The following TMEM106B variants were observed in gnomAD, a reference collection of about 807,000 sequenced individuals.
TMEM106B encodes transmembrane protein 106B.
In TMEM106B, 15 loss-of-function variants were observed where a neutral mutation model predicts 31.1. That is an observed-to-expected ratio of 0.48 (90% confidence interval 0.32 to 0.74). The LOEUF (loss-of-function observed/expected upper bound fraction) is 0.74, where lower values mean the gene tolerates loss of function less well. Ranked by LOEUF, TMEM106B falls within the 30% of genes least tolerant of loss-of-function variation. TMEM106B has a pLI of 0.03. For missense variants in TMEM106B, 283 were observed against 327.3 expected (o/e 0.86, Z 1.04); for synonymous variants, 126 against 112.5 (o/e 1.12, Z -0.76).
intron 2 of TMEM106B, among the ~76,000 whole-genome samples, 176 bp from the exon 3 acceptor site, chr7:12,218,282 A>C (rs1286944925): frequency 6.6e-6 from 1 of 150,876 alleles, no homozygotes; most frequent in Non-Finnish European, 1.5e-5. Context: ...GTGTGAAAAA[A>C]CACGCTGTCT....
intron 1 of TMEM106B, among the ~76,000 whole-genome samples, chr7:12,212,785 G>C (rs538298223): frequency 3.3e-5 from 5 of 152,202 alleles, no homozygotes; most frequent in Admixed American, 2.6e-4. Context: ...GTTCTAGAAA[G>C]TAAAATTTTC....
At position 12,225,570 on chromosome 7, in the gene TMEM106B, T is replaced by C. The variant is rs556258585; in HGVS notation, c.441+1185T>C. Reference sequence around the variant, plus strand: ...TTTTAATAATCGCCATTCTAATTGGTGTGAGATGATATCTCATTGTGGTTT... The same window carrying C: ...TTTTAATAATCGCCATTCTAATTGGCGTGAGATGATATCTCATTGTGGTTT... On this transcript the variant is annotated intron_variant, in intron 4 of 7. Coordinates refer to ENST00000396668, the MANE Select transcript of TMEM106B (RefSeq NM_001134232.2). Among the ~76,000 whole-genome samples the C allele has an allele frequency of 3.9e-5, 6 of 152,260 alleles. No individual in the cohort carries two copies. In the South Asian group the frequency reaches 1.2e-3, roughly 32 times the overall value.
chr7:12,224,087 A>G, intron 3 of TMEM106B, 139 bp from the exon 4 acceptor site: 1 of 741,960 alleles, frequency 1.3e-6, no homozygotes, highest in Admixed American at 2.3e-5. Flanking sequence ...CAATACTTTC[A>G]GATGTGAAAA....
intron 4 of TMEM106B, among the ~76,000 whole-genome samples, chr7:12,225,476 G>C (rs960064210): frequency 2.0e-5 from 3 of 152,160 alleles, no homozygotes; most frequent in Non-Finnish European, 4.4e-5. Flanking sequence ...CTAGTTTACA[G>C]TCCCTCCAAC....
At chr7:12,218,548 G>C in intron 3 of TMEM106B, 27 bp downstream of exon 3, 1 of 1,564,236 alleles carries the variant, frequency 6.4e-7, no homozygotes. Flanking sequence ...ATATGGCAGT[G>C]TTTTATGTTT....
chr7:12,226,966 T>G (rs1429720795), intron 4 of TMEM106B, among the ~76,000 whole-genome samples: 2 of 152,090 alleles, frequency 1.3e-5, no homozygotes, highest in Admixed American at 6.6e-5. Context: ...CTCCAAAGAC[T>G]TTTTTCATGT....
intron 3 of TMEM106B, among the ~76,000 whole-genome samples, chr7:12,220,787 C>T (rs767625494): frequency 1.6e-4 from 25 of 151,992 alleles, no homozygotes; most frequent in Non-Finnish European, 3.1e-4. Flanking sequence ...ATGGTATTTG[C>T]GCAAATTATT....
At chr7:12,231,763 G>A in intron 7 of TMEM106B, 74 bp from the exon 8 acceptor site, 2 of 1,218,440 alleles carry the variant, frequency 1.6e-6, no homozygotes, top group Non-Finnish European at 1.2e-6. Context: ...ATTTTTATGT[G>A]TTAAAGTAGT....
chr7:12,234,029 TC>T lies in TMEM106B; in HGVS notation c.*2055del, dbSNP rs1339703669. ...AAAAAAGTTATTTTATCATATCCTT[TC>T]TATTATGTTCCCATCCTGTCCTCAT... is the stretch of plus-strand genomic sequence containing the variant. On this transcript the variant is annotated 3_prime_UTR_variant, in exon 8 of 8. Transcript: ENST00000396668. 6.6e-6 allele frequency: 1 copy of T among 151,804 alleles called. No individual in the cohort carries two copies. Among genetic ancestry groups the T allele is most frequent in the East Asian group, 1.9e-4 (1 of 5,192 alleles). 9.4% of individuals were successfully genotyped at this position (151,804 alleles called of 1,614,324 possible).
Position 12,240,416 on chromosome 7 carries a change from T to C in TMEM106B, c.*8441T>C, listed in dbSNP as rs1201110528. 6.6e-6 allele frequency: 1 copy of C among 152,208 alleles called. No homozygotes were observed. Among genetic ancestry groups the C allele is most frequent in the Non-Finnish European group, 1.5e-5 (1 of 68,048 alleles). 9.4% of individuals were successfully genotyped at this position (152,208 alleles called of 1,614,324 possible). The stretch of plus-strand genomic sequence containing the variant: ...GTCACAAAGTTTGAGCCAAGTTTTT[T>C]TGTTTTAAACTTGTTTTAAACTTTT... On this transcript the variant is annotated 3_prime_UTR_variant, in exon 8 of 8. Coordinates refer to ENST00000396668, the MANE Select transcript of TMEM106B (RefSeq NM_001134232.2).
intron 6 of TMEM106B, 54 bp downstream of exon 6, chr7:12,230,492 TA>T: frequency 1.7e-6 from 2 of 1,185,752 alleles, no homozygotes; most frequent in Non-Finnish European, 2.5e-6. Flanking sequence ...GTGTATAAAA[TA>T]AAGTATAAAG....
At position 12,214,974 on chromosome 7, in the gene TMEM106B, G is replaced by T. The variant is rs753958862; in HGVS notation, c.164G>T (p.Gly55Val). 6.2e-7 allele frequency: 1 copy of T among 1,614,062 alleles called. No homozygotes were observed. The highest frequency in any genetic ancestry group is 1.7e-5 in the Admixed American group (1 of 60,024). The change falls in exon 2 of 8, where the codon GGA becomes GTA. Residue 55 changes from glycine to valine, a missense_variant. This residue lies in a region of TMEM106B where 77 missense variants were observed against 89.4 expected (regional missense o/e 0.86). Coordinates refer to ENST00000396668, the MANE Select transcript of TMEM106B (RefSeq NM_001134232.2). ...VSQFPYVEFT[G>V]RDSVTCPTCQ... ...CAGTTTCCATATGTGGAATTTACAG[G>T]AAGAGATAGTGTCACCTGCCCTACT...
chr7:12,234,937 A>C lies in TMEM106B; in HGVS notation c.*2962A>C, dbSNP rs1285098400. ...CTGGCTGAAGATCACGTACTTACTAAGTAGTACAACTGGAGCAAGATCAAG... is the reference window on the plus strand; with the variant it reads ...CTGGCTGAAGATCACGTACTTACTACGTAGTACAACTGGAGCAAGATCAAG... On this transcript the variant is annotated 3_prime_UTR_variant, in exon 8 of 8. Transcript: ENST00000396668. The C allele has an allele frequency of 6.6e-6, 1 of 151,884 alleles. No individual in the cohort carries two copies. Among genetic ancestry groups the C allele is most frequent in the African/African-American group, 2.4e-5 (1 of 41,418 alleles). 9.4% of individuals were successfully genotyped at this position (151,884 alleles called of 1,614,324 possible).
At position 12,218,830 on chromosome 7, in the gene TMEM106B, C is replaced by A. The variant is rs575244684; in HGVS notation, c.281+309C>A. On this transcript the variant is annotated intron_variant, in intron 3 of 7. Transcript: ENST00000396668. ...TGGATAATAAGGTGTACTCCACAACCCCAGGATAAAAATTGGTATTTAAAC... is the reference window on the plus strand; with the variant it reads ...TGGATAATAAGGTGTACTCCACAACACCAGGATAAAAATTGGTATTTAAAC... 3.3e-5 allele frequency among the ~76,000 whole-genome samples: 5 copies of A among 152,064 alleles called. No homozygotes were observed. In the South Asian group the frequency reaches 1.0e-3, roughly 32 times the overall value.
rs141976992 is a variant in TMEM106B, at chr7:12,237,299, A to G, written c.*5324A>G. 7.9e-5 allele frequency: 12 copies of G among 152,284 alleles called. No homozygotes were observed. The highest frequency in any genetic ancestry group is 2.9e-4 in the African/African-American group (12 of 41,574). The allele number at this position is 152,284 out of a possible 1,614,324, so 9.4% of individuals were successfully genotyped here. ...TGCTTTTGAAATTTCCTTAACATAA[A>G]CAAATCAGTGTAGATATTCAAAATC... On this transcript the variant is annotated 3_prime_UTR_variant, in exon 8 of 8. Coordinates refer to ENST00000396668, the MANE Select transcript of TMEM106B (RefSeq NM_001134232.2).
chr7:12,233,304 A>G lies in TMEM106B; in HGVS notation c.*1329A>G, dbSNP rs192790606. 1.3e-4 allele frequency: 19 copies of G among 147,384 alleles called. No homozygotes were observed. In the East Asian group the frequency reaches 3.0e-3, roughly 23 times the overall value. The allele number at this position is 147,384 out of a possible 1,614,324, so 9.1% of individuals were successfully genotyped here. A position where few individuals can be genotyped will look rare whatever the true frequency, so the allele number is the denominator to read the frequency against. On this transcript the variant is annotated 3_prime_UTR_variant, in exon 8 of 8. Coordinates refer to ENST00000396668, the MANE Select transcript of TMEM106B (RefSeq NM_001134232.2). The stretch of plus-strand genomic sequence containing the variant: ...ATTTAAAATATGTACTAAGTGTAGG[A>G]GTGGTTATGATACCAAAAAATGTAG...
At chr7:12,215,326 G>T (rs894404843) in intron 2 of TMEM106B, among the ~76,000 whole-genome samples, 1 of 151,858 alleles carries the variant, frequency 6.6e-6, no homozygotes, top group Non-Finnish European at 1.5e-5. Flanking sequence ...TTTGGCATCT[G>T]TAGAGATGAC....
At chr7:12,224,471 T>G in intron 4 of TMEM106B, 86 bp downstream of exon 4, 1 of 1,135,532 alleles carries the variant, frequency 8.8e-7, no homozygotes, top group Non-Finnish European at 1.3e-6. Context: ...GAAGAGATGT[T>G]TGTTAAATGT....
chr7:12,234,113 C>T lies in TMEM106B; in HGVS notation c.*2138C>T, dbSNP rs1185267050. On this transcript the variant is annotated 3_prime_UTR_variant, in exon 8 of 8. Transcript: ENST00000396668. ...TTCAAAATTATCTTTTAGATACGCT[C>T]ATACAAAAATCAATCCTTGTTTTCT... 6.6e-6 allele frequency: 1 copy of T among 151,734 alleles called. No individual in the cohort carries two copies. The highest frequency in any genetic ancestry group is 2.4e-5 in the African/African-American group (1 of 41,408). The allele number at this position is 151,734 out of a possible 1,614,324, so 9.4% of individuals were successfully genotyped here.
Sources: allele counts gnomAD v4.1 joint callset (sites outside exome capture counted in the v4.1 genomes callset), GRCh38; gene constraint gnomAD v4.1.1; regional missense constraint gnomAD v4.1.1; transcripts MANE v1.5; gene names NCBI Gene and HGNC (gene_info 2026-07-23, HGNC 2026-07-21).